Variants in DRAXIN observed in about 807,000 individuals in gnomAD.
The protein encoded by DRAXIN is dorsal inhibitory axon guidance protein, also known as dorsal repulsive axon guidance protein.
A neutral mutation model predicts 33.9 loss-of-function variants in DRAXIN; 27 were observed. That is an observed-to-expected ratio of 0.80 (90% CI 0.59 to 1.10). The LOEUF is 1.10. Ranked by LOEUF, DRAXIN falls within the 50% of genes least tolerant of loss-of-function variation. DRAXIN has a pLI of 0.00. For synonymous variants in DRAXIN, 178 were observed against 194.0 expected, an observed-to-expected ratio of 0.92 and a Z score of 0.69; for missense variants, 371 against 460.8, an observed-to-expected ratio of 0.81 and a Z score of 1.78.
Position 11,704,378 on chromosome 1 carries a change from G to A in DRAXIN, c.-10-1871G>A, listed in dbSNP as rs72872011. ...GTCAGGCTAAATGCCAGCCCAGAGAGCAGCCCCGCTCCACTGGCCCCGAAG... is the reference window on the plus strand; with the variant it reads ...GTCAGGCTAAATGCCAGCCCAGAGAACAGCCCCGCTCCACTGGCCCCGAAG... On this transcript the variant is annotated intron_variant, in intron 1 of 6. Transcript: ENST00000294485. This position sits in a 1 kb window ranked among gnomAD's most constrained non-coding sequence, Gnocchi z 4.6. 8.1e-3 allele frequency among the ~76,000 whole-genome samples: 1,239 copies of A among 152,168 alleles called. 21 individuals are homozygous for A. The highest frequency in any genetic ancestry group is 0.028 in the African/African-American group (1,179 of 41,522).
intron 1 of DRAXIN, among the ~76,000 whole-genome samples, chr1:11,701,308 C>T (rs974007310): frequency 6.6e-6 from 1 of 152,194 alleles, no homozygotes; most frequent in African/African-American, 2.4e-5. Flanking sequence ...TTGAGATGGG[C>T]TTTGCCACTT....
At chr1:11,716,927 A>G (rs75166001) in intron 6 of DRAXIN, among the ~76,000 whole-genome samples, 4,147 of 152,326 alleles carry the variant, frequency 0.027, 215 homozygotes, top group African/African-American at 0.095. Flanking sequence ...TGTGCCCATG[A>G]ATTACATTCT....
In DRAXIN at chr1:11,724,920, G is replaced by A. The variant is rs1229290530; in HGVS notation, c.*5224G>A. On this transcript the variant is annotated 3_prime_UTR_variant, in exon 7 of 7. Coordinates refer to ENST00000294485, the MANE Select transcript of DRAXIN (RefSeq NM_198545.4). ...GTTAGCAGGGACGGTTGCCTTTCCT[G>A]GGAAGGGCAGTTTGCAGAACCAGGG... 6.6e-6 allele frequency: 1 copy of A among 152,302 alleles called. No individual in the cohort carries two copies. Among genetic ancestry groups the A allele is most frequent in the Non-Finnish European group, 1.5e-5 (1 of 68,134 alleles). 9.4% of individuals were successfully genotyped at this position (152,302 alleles called of 1,614,324 possible). A position where few individuals can be genotyped will look rare whatever the true frequency, so the allele number is the denominator to read the frequency against.
intron 3 of DRAXIN, among the ~76,000 whole-genome samples, chr1:11,709,673 G>T: frequency 6.6e-6 from 1 of 152,184 alleles, no homozygotes; most frequent in Admixed American, 6.5e-5. Flanking sequence ...CACTGTCCAG[G>T]GCAAAGTGCT....
rs776206319 is a variant in DRAXIN at position 11,720,487 on chromosome 1, G to A, written c.*791G>A. ...TGCACACCTGTAATCCCAGCTACTCGGAGGCTGAGGCACCAGAATCGCTTG... is the reference window on the plus strand; with the variant it reads ...TGCACACCTGTAATCCCAGCTACTCAGAGGCTGAGGCACCAGAATCGCTTG... On this transcript the variant is annotated 3_prime_UTR_variant, in exon 7 of 7. Transcript: ENST00000294485. 3.9e-5 allele frequency: 6 copies of A among 152,226 alleles called. No individual in the cohort carries two copies. Among genetic ancestry groups the A allele is most frequent in the African/African-American group, 7.2e-5 (3 of 41,408 alleles). The allele number at this position is 152,226 out of a possible 1,614,324, so 9.4% of individuals were successfully genotyped here. A position where few individuals can be genotyped will look rare whatever the true frequency, so the allele number is the denominator to read the frequency against.
At position 11,693,890 on chromosome 1, in the gene DRAXIN, C is replaced by A. The variant is rs72869761; in HGVS notation, c.-11+2037C>A. Among the ~76,000 whole-genome samples the A allele has an allele frequency of 7.5e-3, 1,142 of 152,306 alleles. 15 individuals carry two copies. Among genetic ancestry groups the A allele is most frequent in the African/African-American group, 0.026 (1,088 of 41,552 alleles). On this transcript the variant is annotated intron_variant, in intron 1 of 6. Coordinates refer to ENST00000294485, the MANE Select transcript of DRAXIN (RefSeq NM_198545.4). ...GTTAACTACAGAGACCTCAGCCCAG[C>A]CTAGCCCTGTCCTGCCTGCCTCCCA...
At position 11,723,717 on chromosome 1, in the gene DRAXIN, C is replaced by G. The variant is rs144445855; in HGVS notation, c.*4021C>G. The G allele has an allele frequency of 7.2e-5, 11 of 152,042 alleles. No homozygotes were observed. In the East Asian group the frequency reaches 1.7e-3, roughly 24 times the overall value. The allele number at this position is 152,042 out of a possible 1,614,324, so 9.4% of individuals were successfully genotyped here. A position where few individuals can be genotyped will look rare whatever the true frequency, so the allele number is the denominator to read the frequency against. The stretch of plus-strand genomic sequence containing the variant: ...AAGTGATTCTCCCGCCTCAGCCTCT[C>G]GCGTACCTGGGATTATAGGCAAGCA... On this transcript the variant is annotated 3_prime_UTR_variant, in exon 7 of 7. Transcript: ENST00000294485.
rs1420924117 is a variant in DRAXIN, at chr1:11,720,572, G to T, written c.*876G>T. 1 of 110,352 alleles carries T rather than the reference G, an allele frequency of 9.1e-6. No individual in the cohort carries two copies. Among genetic ancestry groups the T allele is most frequent in the African/African-American group, 3.6e-5 (1 of 27,534 alleles). The allele number at this position is 110,352 out of a possible 1,614,324, so 6.8% of individuals were successfully genotyped here. ...CGTGCCACTGCACTCCAGCCTGGGGGACAAGAGTGAAACTCCATCTCAAAA... is the reference window on the plus strand; with the variant it reads ...CGTGCCACTGCACTCCAGCCTGGGGTACAAGAGTGAAACTCCATCTCAAAA... On this transcript the variant is annotated 3_prime_UTR_variant, in exon 7 of 7. Coordinates refer to ENST00000294485, the MANE Select transcript of DRAXIN (RefSeq NM_198545.4).
intron 5 of DRAXIN, among the ~76,000 whole-genome samples, chr1:11,713,681 G>T (rs1402364322): frequency 6.6e-6 from 1 of 152,038 alleles, no homozygotes; most frequent in African/African-American, 2.4e-5. Flanking sequence ...GTGAGCCCAG[G>T]AGTTCAGGAC....
chr1:11,687,213 G>A (rs981757361), upstream of DRAXIN, among the ~76,000 whole-genome samples: 54 of 152,078 alleles, frequency 3.6e-4, no homozygotes, highest in African/African-American at 1.3e-3. The surrounding 1 kb of genome is among the most constrained non-coding windows in gnomAD (Gnocchi z 4.1). Flanking sequence ...CTACAGGTGT[G>A]CACCATCACA....
In DRAXIN at chr1:11,706,312, G is replaced by C; in HGVS notation, c.54G>C (p.Leu18=). 4 of 1,613,368 alleles carry C rather than the reference G, an allele frequency of 2.5e-6. No individual in the cohort carries two copies. Among genetic ancestry groups the C allele is most frequent in the Non-Finnish European group, 3.4e-6 (4 of 1,179,842 alleles). ...CCATGCTGTTCCTCGTCCTCCTGCT[G>C]CCCCTGGAGCTGAGCCTGGCAGGCG... is the stretch of plus-strand genomic sequence containing the variant. ...TAPMLFLVLL[L]PLELSLAGAL... The change falls in exon 2 of 7, where the codon CTG becomes CTC. Residue 18 remains leucine (L), a synonymous_variant. Transcript: ENST00000294485. This position sits in a 1 kb window ranked among gnomAD's most constrained non-coding sequence, Gnocchi z 5.5.
In DRAXIN at chr1:11,692,458, G is replaced by T. The variant is rs1641091399; in HGVS notation, c.-11+605G>T. On this transcript the variant is annotated intron_variant, in intron 1 of 6. Coordinates refer to ENST00000294485, the MANE Select transcript of DRAXIN (RefSeq NM_198545.4). This position sits in a 1 kb window ranked among gnomAD's most constrained non-coding sequence, Gnocchi z 5.8. ...CCCGCGCCGTCCCATCTGTGCCCAG[G>T]AAGGTACTCAGCCTGGCTCCCCCGA... 6.6e-6 allele frequency among the ~76,000 whole-genome samples: 1 copy of T among 152,190 alleles called. No individual in the cohort carries two copies. Among genetic ancestry groups the T allele is most frequent in the African/African-American group, 2.4e-5 (1 of 41,454 alleles).
chr1:11,697,268 T>A (rs1641208309), intron 1 of DRAXIN, among the ~76,000 whole-genome samples: 1 of 152,202 alleles, frequency 6.6e-6, no homozygotes, highest in South Asian at 2.1e-4. Flanking sequence ...CTCTCATTAA[T>A]GAGACCTGTG....
intron 3 of DRAXIN, among the ~76,000 whole-genome samples, chr1:11,711,008 C>G (rs909353391): frequency 2.0e-5 from 3 of 151,266 alleles, no homozygotes; most frequent in African/African-American, 7.3e-5. Context: ...AAGAAATAGG[C>G]CAGGTGCAGT....
rs189564286 is a variant in DRAXIN, at chr1:11,709,096, C to T, written c.452-179C>T. On this transcript the variant is annotated intron_variant, in intron 2 of 6. Transcript: ENST00000294485. ...CAAGTTCTTCCAAGACATTTTCCTC[C>T]GAGTTCCCATCCCCCAACCTCCCAA... Among the ~76,000 whole-genome samples the T allele has an allele frequency of 2.4e-3, 371 of 152,344 alleles. 1 individual carries two copies. Among genetic ancestry groups the T allele is most frequent in the Non-Finnish European group, 4.2e-3 (289 of 68,032 alleles).
chr1:11,724,602 A>G lies in DRAXIN; in HGVS notation c.*4906A>G, dbSNP rs1008873617. 1 of 152,292 alleles carries G rather than the reference A, an allele frequency of 6.6e-6. No homozygotes were observed. Among genetic ancestry groups the G allele is most frequent in the Non-Finnish European group, 1.5e-5 (1 of 68,072 alleles). The allele number at this position is 152,292 out of a possible 1,614,324, so 9.4% of individuals were successfully genotyped here. ...TGGAGGTGGGTCCTTATTTCAAGCCATATTCAACCCACCCAACAAAACCTA... is the reference window on the plus strand; with the variant it reads ...TGGAGGTGGGTCCTTATTTCAAGCCGTATTCAACCCACCCAACAAAACCTA... On this transcript the variant is annotated 3_prime_UTR_variant, in exon 7 of 7. Coordinates refer to ENST00000294485, the MANE Select transcript of DRAXIN (RefSeq NM_198545.4).
chr1:11,702,174 CAA>C (rs1279945539), intron 1 of DRAXIN, among the ~76,000 whole-genome samples: 3 of 150,580 alleles, frequency 2.0e-5, no homozygotes, highest in Non-Finnish European at 3.0e-5. Flanking sequence ...CACATGCTGA[CAA>C]CACACATGCT....
chr1:11,710,274 T>A (rs1395928831), intron 3 of DRAXIN, among the ~76,000 whole-genome samples: 1 of 151,908 alleles, frequency 6.6e-6, no homozygotes. Context: ...CGAGGGTCAC[T>A]TGAGCCCAGG....
In DRAXIN at chr1:11,705,973, C is replaced by G. The variant is rs951113224; in HGVS notation, c.-10-276C>G. Among the ~76,000 whole-genome samples, 1 of 152,060 alleles carries G rather than the reference C, an allele frequency of 6.6e-6. No individual in the cohort carries two copies. Among genetic ancestry groups the G allele is most frequent in the Non-Finnish European group, 1.5e-5 (1 of 68,014 alleles). On this transcript the variant is annotated intron_variant, in intron 1 of 6. Coordinates refer to ENST00000294485, the MANE Select transcript of DRAXIN (RefSeq NM_198545.4). This position sits in a 1 kb window ranked among gnomAD's most constrained non-coding sequence, Gnocchi z 4.8. ...GATTTAAGCCGGGGGTTCTCAGCCT[C>G]GGTACTGTTGTTTTTCTGGGCCGGA...
Sources: gnomAD v4.1 joint callset for allele counts (sites outside exome capture counted in the v4.1 genomes callset) on GRCh38, gnomAD v4.1.1 for gene constraint, Gnocchi (gnomAD v3.1) non-coding constraint, MANE v1.5 for transcripts, NCBI Gene and HGNC (gene_info 2026-07-23, HGNC 2026-07-21) for gene names.